The following PPP6R3 variants were observed in gnomAD, a reference collection of about 807,000 sequenced individuals.
The protein encoded by PPP6R3 is protein phosphatase 6 regulatory subunit 3.
In PPP6R3, 38 loss-of-function variants were observed where a neutral mutation model predicts 110.7. That is an observed-to-expected ratio of 0.34 (90% CI 0.26 to 0.45). The LOEUF (loss-of-function observed/expected upper bound fraction) is 0.45. Among genes scored for constraint, PPP6R3 ranks in the 20% least tolerant of loss-of-function variants. The probability of loss-of-function intolerance (pLI) is 1.00; values close to 1 mark genes in which losing one functional copy is unlikely to be tolerated. For missense variants in PPP6R3, 870 were observed against 1,062.4 expected, an observed-to-expected ratio of 0.82 and a Z score of 2.52; for synonymous variants, 369 against 373.5, an observed-to-expected ratio of 0.99 and a Z score of 0.14.
At chr11:68,541,433 G>A (rs756129374) in intron 3 of PPP6R3, among the ~76,000 whole-genome samples, 5 of 152,180 alleles carry the variant, frequency 3.3e-5, no homozygotes, top group African/African-American at 4.8e-5. Flanking sequence ...AACTGAAGGG[G>A]TTTCCTCTAG....
intron 1 of PPP6R3, among the ~76,000 whole-genome samples, chr11:68,495,192 A>T (rs541331962): frequency 2.0e-5 from 3 of 152,346 alleles, no homozygotes; most frequent in Non-Finnish European, 4.4e-5. Flanking sequence ...TTTGTAAAAG[A>T]TGATATAACT....
At chr11:68,609,342 C>G in intron 22 of PPP6R3, 2 of 629,226 alleles carry the variant, frequency 3.2e-6, no homozygotes, top group South Asian at 3.6e-5. Flanking sequence ...AAATCCGATG[C>G]AGTCAACACG....
intron 10 of PPP6R3, among the ~76,000 whole-genome samples, chr11:68,569,424 TTAA>T (rs2099493740): frequency 6.6e-6 from 1 of 152,188 alleles, no homozygotes; most frequent in Non-Finnish European, 1.5e-5. Flanking sequence ...CAGGAAGAGA[TTAA>T]TAATAACTAA....
At chr11:68,582,089 G>A (rs904411841) in intron 14 of PPP6R3, among the ~76,000 whole-genome samples, 19 of 152,186 alleles carry the variant, frequency 1.2e-4, no homozygotes, top group African/African-American at 4.6e-4. Flanking sequence ...AGGCCAGTTA[G>A]GTACAGCCTC....
At chr11:68,501,973 T>G (rs2099051097) in intron 1 of PPP6R3, among the ~76,000 whole-genome samples, 1 of 152,202 alleles carries the variant, frequency 6.6e-6, no homozygotes, top group East Asian at 1.9e-4. Flanking sequence ...TATAATGGAA[T>G]GGTGTTATTC....
intron 1 of PPP6R3, among the ~76,000 whole-genome samples, chr11:68,507,643 A>G (rs1410912831): frequency 6.6e-6 from 1 of 152,108 alleles, no homozygotes; most frequent in African/African-American, 2.4e-5. Context: ...GTGTGAGGGT[A>G]CTTGCAGCAA....
At chr11:68,488,997 AT>A (rs1246206288) in intron 1 of PPP6R3, among the ~76,000 whole-genome samples, 1 of 149,144 alleles carries the variant, frequency 6.7e-6, no homozygotes, top group Non-Finnish European at 1.5e-5. Context: ...TATCTGTGAT[AT>A]TTATTGCTGT....
At chr11:68,467,302 A>G (rs1243783707) in intron 1 of PPP6R3, among the ~76,000 whole-genome samples, 1 of 152,254 alleles carries the variant, frequency 6.6e-6, no homozygotes, top group Non-Finnish European at 1.5e-5. Context: ...AGAATTTCTT[A>G]CAGTGGAAAT....
rs1463226751 is a variant in PPP6R3, at chr11:68,587,743, CA to C, written c.1633-181del. On this transcript the variant is annotated intron_variant, in intron 15 of 23. Transcript: ENST00000393800. The stretch of plus-strand genomic sequence containing the variant: ...TTAGAATGATTTGTAGACCAAATTT[CA>C]AACGTTTCCTTTTTTGGCAAATTGT... The C allele has an allele frequency of 2.2e-5, 15 of 677,040 alleles. No homozygotes were observed. The African/African-American group carries it at 2.3e-4, about 10-fold the overall frequency. The allele number at this position is 677,040 out of a possible 1,614,324, so 41.9% of individuals were successfully genotyped here.
At chr11:68,575,520 T>G (rs1380705681) in intron 13 of PPP6R3, among the ~76,000 whole-genome samples, 1 of 152,196 alleles carries the variant, frequency 6.6e-6, no homozygotes, top group Non-Finnish European at 1.5e-5. Flanking sequence ...GTGCAGGAGC[T>G]GTCATTTGCA....
intron 1 of PPP6R3, among the ~76,000 whole-genome samples, chr11:68,484,108 C>A (rs1458406308): frequency 6.6e-6 from 1 of 152,184 alleles, no homozygotes; most frequent in African/African-American, 2.4e-5. Context: ...CAAATTTATT[C>A]ATTCACCTAC....
Position 68,603,385 on chromosome 11 carries a change from G to A in PPP6R3, c.2343G>A (p.Glu781=), listed in dbSNP as rs746033280. 5.6e-6 allele frequency: 9 copies of A among 1,613,946 alleles called. No individual in the cohort carries two copies. Among genetic ancestry groups the A allele is most frequent in the South Asian group, 1.1e-5 (1 of 91,078 alleles). ...VAMEASSDGE[E]DAESTDKVTE... ...TGGAAGCCAGCTCTGACGGAGAGGA[G>A]GATGCAGAAAGTACAGACAAGGTAA... The change falls in exon 22 of 24, where the codon GAG becomes GAA. Residue 781 remains glutamate, a synonymous_variant. Coordinates refer to ENST00000393800, the MANE Select transcript of PPP6R3 (RefSeq NM_001164161.2).
intron 13 of PPP6R3, 113 bp downstream of exon 13, chr11:68,574,337 A>G (rs1273342518): frequency 2.6e-6 from 2 of 763,286 alleles, no homozygotes; most frequent in Non-Finnish European, 4.3e-6. Flanking sequence ...ACTTCTTTAT[A>G]TTTGGCAAAT....
At chr11:68,471,540 C>T (rs2098792307) in intron 1 of PPP6R3, among the ~76,000 whole-genome samples, 2 of 152,170 alleles carry the variant, frequency 1.3e-5, no homozygotes, top group South Asian at 2.1e-4. Flanking sequence ...AATTCATCGA[C>T]GATCTTGAGA....
At chr11:68,573,279 T>C (rs764553887) in intron 12 of PPP6R3, among the ~76,000 whole-genome samples, 17 of 150,570 alleles carry the variant, frequency 1.1e-4, no homozygotes, top group Non-Finnish European at 2.2e-4. Flanking sequence ...GCCTCCTGAG[T>C]AGCTAGGATT....
chr11:68,473,156 T>G (rs1025509671), intron 1 of PPP6R3, among the ~76,000 whole-genome samples: 6 of 152,198 alleles, frequency 3.9e-5, no homozygotes, highest in Admixed American at 3.3e-4. Context: ...AGCTTCAGGT[T>G]AGGGGCTGGT....
chr11:68,525,345 G>T (rs1279337303), intron 2 of PPP6R3, among the ~76,000 whole-genome samples: 1 of 152,168 alleles, frequency 6.6e-6, no homozygotes, highest in Non-Finnish European at 1.5e-5. Flanking sequence ...GACAGTTAAT[G>T]TGATTGTGGA....
intron 2 of PPP6R3, among the ~76,000 whole-genome samples, chr11:68,531,308 TTTATTTATTTA>T (rs1472000168): frequency 9.3e-5 from 1 of 10,698 alleles, no homozygotes; most frequent in East Asian, 9.8e-3. Flanking sequence ...GAGACTGTGT[TTTATTTATTTA>T]TTTATTTATT....
At chr11:68,477,471 G>A (rs903904540) in intron 1 of PPP6R3, among the ~76,000 whole-genome samples, 4 of 151,686 alleles carry the variant, frequency 2.6e-5, no homozygotes, top group South Asian at 2.1e-4. Context: ...CTGTTATCCC[G>A]ACACTTTGGG....
Sources: allele counts gnomAD v4.1 joint callset (sites outside exome capture counted in the v4.1 genomes callset), GRCh38; gene constraint gnomAD v4.1.1; transcripts MANE v1.5; gene names NCBI Gene and HGNC (gene_info 2026-07-23, HGNC 2026-07-21).